SPON1: variants seen among roughly 807,000 people sequenced by gnomAD.
The protein encoded by SPON1 is spondin-1.
A neutral mutation model predicts 111.7 loss-of-function variants in SPON1; 52 were observed. The observed-to-expected ratio is 0.47, with a 90% CI of 0.37 to 0.59. The LOEUF (loss-of-function observed/expected upper bound fraction) is 0.59, where lower values mean the gene tolerates loss of function less well. Among genes scored for constraint, SPON1 ranks in the 20% least tolerant of loss-of-function variants. The pLI, the probability that SPON1 is intolerant of heterozygous loss-of-function variation, is 0.00. For synonymous variants in SPON1, 410 were observed against 395.8 expected, an observed-to-expected ratio of 1.04 and a Z score of -0.43; for missense variants, 957 against 1,068.5, an observed-to-expected ratio of 0.90 and a Z score of 1.46.
chr11:14,170,102 T>C (rs1199834946), intron 6 of SPON1, among the ~76,000 whole-genome samples: 2 of 152,200 alleles, frequency 1.3e-5, no homozygotes, highest in African/African-American at 2.4e-5. Flanking sequence ...GCCATTTTCA[T>C]GATATTTATT....
At chr11:14,037,309 A>T (rs1301258580) in intron 2 of SPON1, among the ~76,000 whole-genome samples, 1 of 152,156 alleles carries the variant, frequency 6.6e-6, no homozygotes, top group African/African-American at 2.4e-5. Context: ...GAGAAGAGTA[A>T]GGAGATAATT....
intron 2 of SPON1, among the ~76,000 whole-genome samples, chr11:14,008,449 A>G (rs782241855): frequency 2.0e-5 from 3 of 152,022 alleles, no homozygotes; most frequent in African/African-American, 2.4e-5. Context: ...CACTTTCCCT[A>G]ATGCTGATTC....
intron 2 of SPON1, among the ~76,000 whole-genome samples, chr11:13,995,154 A>G (rs781875526): frequency 6.6e-6 from 1 of 152,192 alleles, no homozygotes; most frequent in Non-Finnish European, 1.5e-5. Context: ...ATTTCTAACC[A>G]CTAGCACTGT....
chr11:14,045,010 T>C (rs565337168), intron 3 of SPON1, among the ~76,000 whole-genome samples: 14 of 152,326 alleles, frequency 9.2e-5, no homozygotes, highest in African/African-American at 2.9e-4. Flanking sequence ...GAAACTTGCC[T>C]ATTGAGCAAA....
chr11:14,261,362 G>A (rs1849176531), intron 14 of SPON1, among the ~76,000 whole-genome samples: 2 of 152,190 alleles, frequency 1.3e-5, no homozygotes, highest in Admixed American at 6.5e-5. Context: ...TGGTAAAAGG[G>A]CAGGCACACT....
chr11:14,229,769 A>G (rs1052882090), intron 6 of SPON1, among the ~76,000 whole-genome samples: 2 of 152,186 alleles, frequency 1.3e-5, no homozygotes. Context: ...CATATAAGTG[A>G]CCAAGCCAAG....
intron 6 of SPON1, among the ~76,000 whole-genome samples, chr11:14,165,447 T>C (rs556354475): frequency 6.6e-6 from 1 of 152,304 alleles, no homozygotes; most frequent in African/African-American, 2.4e-5. Context: ...TGTCTGAGTG[T>C]ACTCATGCAG....
At chr11:14,053,779 G>C (rs1848724884) in intron 3 of SPON1, among the ~76,000 whole-genome samples, 1 of 152,190 alleles carries the variant, frequency 6.6e-6, no homozygotes, top group Non-Finnish European at 1.5e-5. Context: ...TTGTCTTTCA[G>C]GGTCACAAAG....
intron 6 of SPON1, among the ~76,000 whole-genome samples, chr11:14,177,526 G>T (rs985482664): frequency 2.0e-4 from 31 of 152,290 alleles, no homozygotes; most frequent in East Asian, 1.2e-3. Flanking sequence ...ATCAAGTGCA[G>T]GGTCTGCAAA....
intron 6 of SPON1, among the ~76,000 whole-genome samples, chr11:14,188,473 A>G (rs918852360): frequency 6.6e-6 from 1 of 152,210 alleles, no homozygotes. Flanking sequence ...AGAAATGGAC[A>G]GAATATGATA....
At chr11:14,066,557 T>C (rs1369175605) in intron 3 of SPON1, among the ~76,000 whole-genome samples, 3 of 152,182 alleles carry the variant, frequency 2.0e-5, no homozygotes, top group African/African-American at 7.2e-5. Context: ...AGCTGACAAA[T>C]TTCCAGCCAG....
chr11:14,211,852 A>G (rs1554936771), intron 6 of SPON1, among the ~76,000 whole-genome samples: 1 of 152,044 alleles, frequency 6.6e-6, no homozygotes, highest in East Asian at 1.9e-4. Context: ...CTTCTTTCCC[A>G]GTAATTATTG....
chr11:14,141,709 T>G (rs1847658391), intron 6 of SPON1, among the ~76,000 whole-genome samples: 2 of 152,222 alleles, frequency 1.3e-5, no homozygotes. Flanking sequence ...AGAATTTTCT[T>G]TTCTCATCTC....
intron 6 of SPON1, among the ~76,000 whole-genome samples, chr11:14,195,658 C>T (rs565356562): frequency 6.6e-6 from 1 of 152,262 alleles, no homozygotes; most frequent in East Asian, 1.9e-4. Flanking sequence ...GGGCAGTGAA[C>T]TCAGAGTTCA....
chr11:14,193,378 C>T (rs1310062654), intron 6 of SPON1, among the ~76,000 whole-genome samples: 1 of 152,116 alleles, frequency 6.6e-6, no homozygotes. Context: ...TACCCCATGC[C>T]GAACCTCATC....
chr11:14,132,985 A>C (rs537581121), intron 5 of SPON1, among the ~76,000 whole-genome samples: 7 of 152,354 alleles, frequency 4.6e-5, no homozygotes, highest in African/African-American at 1.4e-4. Context: ...GACTCAGGGA[A>C]ATAAAGTAAT....
Position 14,135,442 on chromosome 11 carries a change from G to A in SPON1, c.699G>A (p.Ala233=), listed in dbSNP as rs372068346. The change falls in exon 6 of 16, where the codon GCG becomes GCA. Residue 233 remains alanine (A), a synonymous_variant. Transcript: ENST00000576479. The surrounding 1 kb of genome is among the most constrained non-coding windows in gnomAD (Gnocchi z 4.4). ...CAGGTCGGGCCAACCACTGGTCTGCGATCATCGGAGGATCCCACTCCAAGA... is the reference window on the plus strand; with the variant it reads ...CAGGTCGGGCCAACCACTGGTCTGCAATCATCGGAGGATCCCACTCCAAGA... ...DYPRRANHWS[A]IIGGSHSKNY... 4.0e-5 allele frequency: 65 copies of A among 1,612,858 alleles called. No individual in the cohort carries two copies. The highest frequency in any genetic ancestry group is 3.6e-4 in the South Asian group (33 of 90,960).
chr11:14,150,488 A>C (rs1564916223), intron 6 of SPON1, among the ~76,000 whole-genome samples: 2 of 152,152 alleles, frequency 1.3e-5, no homozygotes, highest in South Asian at 4.1e-4. Flanking sequence ...AGAAACAATA[A>C]ATGAGGTGAT....
At chr11:14,256,948 T>A (rs1353767460) in intron 10 of SPON1, among the ~76,000 whole-genome samples, 1 of 152,200 alleles carries the variant, frequency 6.6e-6, no homozygotes, top group Non-Finnish European at 1.5e-5. Flanking sequence ...TAAATCTCAT[T>A]TTAATGGGCT....
Sources: gnomAD v4.1 joint callset for allele counts (sites outside exome capture counted in the v4.1 genomes callset) on GRCh38, gnomAD v4.1.1 for gene constraint, Gnocchi (gnomAD v3.1) non-coding constraint, MANE v1.5 for transcripts, NCBI Gene and HGNC (gene_info 2026-07-23, HGNC 2026-07-21) for gene names.